Variants in FLACC1 observed in about 807,000 individuals in gnomAD.
FLACC1 encodes flagellum-associated coiled-coil domain-containing protein 1.
In FLACC1, 66 loss-of-function variants were observed where a neutral mutation model predicts 62.8. The observed-to-expected ratio is 1.05, with a 90% CI of 0.86 to 1.29. FLACC1 has a LOEUF of 1.29. FLACC1 is among the 50% of genes most tolerant of loss of function. FLACC1 has a pLI of 0.00. For missense variants in FLACC1, 452 were observed against 489.1 expected (o/e 0.92, Z 0.71); for synonymous variants, 156 against 161.0 (o/e 0.97, Z 0.24).
In FLACC1 at chr2:201,309,925, A is replaced by AAAAAAAG. The variant is rs764506462; in HGVS notation, c.676-676_676-675insCTTTTTT. On this transcript the variant is annotated intron_variant, in intron 9 of 14. Transcript: ENST00000392257. ...TGTCTCAAAAAAAAAAAAAAAAAAA[A>AAAAAAAG]AAGAAGAAGAAAGGAAATACCTAGT... Among the ~76,000 whole-genome samples, 36 of 99,306 alleles carry AAAAAAAG rather than the reference A, an allele frequency of 3.6e-4. 2 individuals are homozygous for AAAAAAAG. Among genetic ancestry groups the AAAAAAAG allele is most frequent in the East Asian group, 1.7e-3 (4 of 2,328 alleles). The allele number at this position is 99,306 out of a possible 152,430, so 65.1% of individuals were successfully genotyped here.
chr2:201,299,127 T>C, intron 12 of FLACC1, 111 bp downstream of exon 12: 2 of 1,081,296 alleles, frequency 1.8e-6, no homozygotes, highest in Non-Finnish European at 2.7e-6. Flanking sequence ...GGTCTTCCAT[T>C]TCTTATTGGC....
At chr2:201,292,351 AAG>A (rs1349869670) in intron 12 of FLACC1, among the ~76,000 whole-genome samples, 1 of 152,226 alleles carries the variant, frequency 6.6e-6, no homozygotes, top group African/African-American at 2.4e-5. Context: ...TACAAGCCAG[AAG>A]AGAGTGAGGG....
At chr2:201,361,732 T>C (rs1042446855), upstream of FLACC1, among the ~76,000 whole-genome samples, 21 of 152,350 alleles carry the variant, frequency 1.4e-4, no homozygotes, top group Non-Finnish European at 1.5e-5. Context: ...TTCTGGCCTA[T>C]CATAATGTTT....
At chr2:201,299,393 A>T (rs752548515) in intron 11 of FLACC1, 93 bp from the exon 12 acceptor site, 1 of 989,762 alleles carries the variant, frequency 1.0e-6, no homozygotes, top group Admixed American at 2.1e-5. Context: ...CAGGAATATA[A>T]TATTCACCAA....
chr2:201,288,480 G>T lies in FLACC1; in HGVS notation c.*175C>A. The T allele has an allele frequency of 1.4e-6, 1 of 711,160 alleles. No individual in the cohort carries two copies. The highest frequency in any genetic ancestry group is 2.2e-6 in the Non-Finnish European group (1 of 457,654). The allele number at this position is 711,160 out of a possible 1,614,324, so 44.1% of individuals were successfully genotyped here. On this transcript the variant is annotated 3_prime_UTR_variant, in exon 15 of 15. Transcript: ENST00000392257. ...CATCATTTTTCAGTGAAGAGTCCGT[G>T]ATAAGCTGTGAAATTCAGATGCGAA...
At chr2:201,336,115 A>G (rs1013373501) in intron 7 of FLACC1, among the ~76,000 whole-genome samples, 2 of 42,198 alleles carry the variant, frequency 4.7e-5, no homozygotes, top group African/African-American at 1.3e-4. Context: ...TCAGGTAGTG[A>G]GCATAGTACC....
intron 3 of FLACC1, 149 bp downstream of exon 3, chr2:201,350,562 T>G: frequency 1.5e-6 from 1 of 659,742 alleles, no homozygotes. Context: ...ACACCTGTAT[T>G]CCCAGCTACT....
At chr2:201,322,318 T>G (rs148305361) in intron 9 of FLACC1, among the ~76,000 whole-genome samples, 1 of 150,042 alleles carries the variant, frequency 6.7e-6, no homozygotes, top group East Asian at 2.0e-4. Flanking sequence ...AAAAAGGGCA[T>G]GCCACAGGGG....
intron 12 of FLACC1, among the ~76,000 whole-genome samples, chr2:201,292,133 C>T (rs1407740969): frequency 6.6e-5 from 10 of 152,112 alleles, no homozygotes; most frequent in Admixed American, 2.0e-4. Context: ...CTTCCCCAAC[C>T]GAGCAAGGCA....
rs1478112038 is a variant in FLACC1, at chr2:201,309,243, A to G, written c.683T>C (p.Ile228Thr). 11 of 1,612,850 alleles carry G rather than the reference A, an allele frequency of 6.8e-6. No individual in the cohort carries two copies. Among genetic ancestry groups the G allele is most frequent in the South Asian group, 2.2e-5 (2 of 91,026 alleles). ...CCACTTCTCTTCCATTTCATCATAA[A>G]TACTGTCCTGGGGAGGTACAAAGGC... ...KNMFRTYQDS[I>T]YDEMEEKWSK... Residue 228 changes from isoleucine to threonine, a missense_variant, in exon 10 of 15, where the codon ATT (isoleucine) becomes ACT (threonine). Transcript: ENST00000392257.
chr2:201,342,543 G>A, intron 6 of FLACC1, 112 bp from the exon 7 acceptor site: 4 of 1,031,170 alleles, frequency 3.9e-6, no homozygotes, highest in Non-Finnish European at 5.9e-6. Context: ...TCCAATTCAT[G>A]GGGCACAGCC....
intron 12 of FLACC1, among the ~76,000 whole-genome samples, chr2:201,292,486 G>T (rs936295923): frequency 5.9e-5 from 9 of 152,094 alleles, no homozygotes; most frequent in Admixed American, 2.0e-4. Flanking sequence ...TGAGAGATTT[G>T]GTCACACCAG....
At chr2:201,297,502 C>T (rs946235068) in intron 12 of FLACC1, among the ~76,000 whole-genome samples, 6 of 152,134 alleles carry the variant, frequency 3.9e-5, no homozygotes, top group Non-Finnish European at 7.4e-5. Context: ...GTGAAGGAAA[C>T]ACCAGAAGCC....
At chr2:201,322,126 G>T (rs534912926) in intron 9 of FLACC1, among the ~76,000 whole-genome samples, 46 of 152,064 alleles carry the variant, frequency 3.0e-4, no homozygotes, top group African/African-American at 1.1e-3. Context: ...AAAATTAGTT[G>T]GGTGTGGTGG....
chr2:201,335,621 T>G (rs917317626), intron 7 of FLACC1, among the ~76,000 whole-genome samples: 1 of 152,146 alleles, frequency 6.6e-6, no homozygotes, highest in Non-Finnish European at 1.5e-5. Flanking sequence ...GCCTTTAGCT[T>G]TGTTATTTTT....
At chr2:201,295,905 T>G in intron 12 of FLACC1, among the ~76,000 whole-genome samples, 1 of 152,110 alleles carries the variant, frequency 6.6e-6, no homozygotes, top group Non-Finnish European at 1.5e-5. Flanking sequence ...AAAAGACACA[T>G]GAAAAAATGT....
At chr2:201,336,669 A>C (rs1950701787) in intron 7 of FLACC1, among the ~76,000 whole-genome samples, 1 of 152,216 alleles carries the variant, frequency 6.6e-6, no homozygotes, top group African/African-American at 2.4e-5. Context: ...CTTTGAAGAA[A>C]TATCCAGTAG....
At chr2:201,330,370 A>T in intron 9 of FLACC1, 100 bp downstream of exon 9, 1 of 1,193,240 alleles carries the variant, frequency 8.4e-7, no homozygotes. Context: ...TGGGAATCTC[A>T]GGACATTATT....
intron 1 of FLACC1, among the ~76,000 whole-genome samples, chr2:201,354,604 C>A (rs1048136722): frequency 6.6e-6 from 1 of 152,162 alleles, no homozygotes; most frequent in South Asian, 2.1e-4. Flanking sequence ...CAGATGGGAT[C>A]GAGTGCCCAG....
Sources: allele counts gnomAD v4.1 joint callset (sites outside exome capture counted in the v4.1 genomes callset), GRCh38; gene constraint gnomAD v4.1.1; transcripts MANE v1.5; gene names NCBI Gene and HGNC (gene_info 2026-07-23, HGNC 2026-07-21).